The following KCNIP4 variants were observed in gnomAD, a reference collection of about 807,000 sequenced individuals.
KCNIP4 encodes Kv channel-interacting protein 4.
In KCNIP4, 12 loss-of-function variants were observed where a neutral mutation model predicts 34.0. That is an observed-to-expected ratio of 0.35 (90% CI 0.23 to 0.57). The LOEUF is 0.57. Ranked by LOEUF, KCNIP4 falls within the 20% of genes least tolerant of loss-of-function variation. The probability of loss-of-function intolerance (pLI) is 0.83; values close to 1 mark genes in which losing one functional copy is unlikely to be tolerated. For missense variants in KCNIP4, 238 were observed against 311.7 expected (o/e 0.76, Z 1.78); for synonymous variants, 124 against 102.2 (o/e 1.21, Z -1.29).
chr4:21,515,963 G>A lies in KCNIP4; in HGVS notation c.61+432608C>T, dbSNP rs76830098. 4.6e-3 allele frequency among the ~76,000 whole-genome samples: 703 copies of A among 152,164 alleles called. 5 individuals are homozygous for A. Among genetic ancestry groups the A allele is most frequent in the African/African-American group, 0.016 (664 of 41,422 alleles). ...ATTATAGTAGCACAAAATTGGCTAA[G>A]AGAATGAGGTCTGTCTCTTGTGTTC... On this transcript the variant is annotated intron_variant, in intron 1 of 8. Coordinates refer to ENST00000382152, the MANE Select transcript of KCNIP4 (RefSeq NM_025221.6).
At chr4:21,084,565 C>T (rs771443582) in intron 1 of KCNIP4, among the ~76,000 whole-genome samples, 28 of 147,122 alleles carry the variant, frequency 1.9e-4, no homozygotes, top group Admixed American at 4.9e-4. Context: ...TAGGATGCAC[C>T]GGTTCTGCCA....
chr4:21,899,786 A>C (rs1284750112), intron 1 of KCNIP4, among the ~76,000 whole-genome samples: 1 of 152,156 alleles, frequency 6.6e-6, no homozygotes, highest in Non-Finnish European at 1.5e-5. Flanking sequence ...CAATATATTA[A>C]AGAGGACACA....
At chr4:21,803,266 T>C (rs530125295) in intron 1 of KCNIP4, among the ~76,000 whole-genome samples, 1 of 152,300 alleles carries the variant, frequency 6.6e-6, no homozygotes, top group East Asian at 1.9e-4. Context: ...TACAGTCTTA[T>C]TTATTTTAGC....
chr4:21,519,713 TATATATACACACGTGTGTATATGTATG>T (rs1735295292), intron 1 of KCNIP4, among the ~76,000 whole-genome samples: 1 of 124,866 alleles, frequency 8.0e-6, no homozygotes, highest in African/African-American at 3.1e-5. Flanking sequence ...TATGTATGTG[TATATATACACACGTGTGTATATGTATG>T]ATACACACGT....
At chr4:21,898,410 G>A (rs1372940413) in intron 1 of KCNIP4, among the ~76,000 whole-genome samples, 4 of 152,132 alleles carry the variant, frequency 2.6e-5, no homozygotes, top group Non-Finnish European at 5.9e-5. Context: ...TGAGGGGAGA[G>A]TAAAGAGGGC....
chr4:20,893,028 A>T (rs1031439672), intron 1 of KCNIP4, among the ~76,000 whole-genome samples: 1 of 152,090 alleles, frequency 6.6e-6, no homozygotes, highest in African/African-American at 2.4e-5. Context: ...CTGCCAGTTT[A>T]TGGGAGTTGT....
intron 1 of KCNIP4, among the ~76,000 whole-genome samples, chr4:21,110,457 G>T (rs1749059377): frequency 6.6e-6 from 1 of 152,264 alleles, no homozygotes; most frequent in South Asian, 2.1e-4. Context: ...ATAATCTATG[G>T]GAGTCATCGT....
intron 1 of KCNIP4, among the ~76,000 whole-genome samples, chr4:21,285,828 G>A (rs900781915): frequency 3.9e-5 from 6 of 152,250 alleles, no homozygotes; most frequent in Admixed American, 2.6e-4. Flanking sequence ...GTGATACAGC[G>A]AGATCCTGTC....
rs545435681 is a variant in KCNIP4 at position 21,788,938 on chromosome 4, C to T, written c.61+159633G>A. 1.6e-4 allele frequency among the ~76,000 whole-genome samples: 24 copies of T among 151,800 alleles called. 1 individual carries two copies. Among genetic ancestry groups the T allele is most frequent in the Non-Finnish European group, 1.5e-5 (1 of 67,918 alleles). On this transcript the variant is annotated intron_variant, in intron 1 of 8. Coordinates refer to ENST00000382152, the MANE Select transcript of KCNIP4 (RefSeq NM_025221.6). ...AAATACAACAATTAGCCAGGCGTGG[C>T]GGCGCGCGTCTGTAGTCTCAACTAC...
chr4:20,953,960 C>T (rs1270833962), intron 1 of KCNIP4, among the ~76,000 whole-genome samples: 1 of 152,088 alleles, frequency 6.6e-6, no homozygotes, highest in Non-Finnish European at 1.5e-5. Flanking sequence ...GAAACACTTC[C>T]CTGTGTTTTT....
rs1303524183 is a variant in KCNIP4 at position 21,714,780 on chromosome 4, CCTTTGATTA to C, written c.61+233782_61+233790del. Among the ~76,000 whole-genome samples, 35 of 49,386 alleles carry C rather than the reference CCTTTGATTA, an allele frequency of 7.1e-4. 1 individual carries two copies. Among genetic ancestry groups the C allele is most frequent in the African/African-American group, 4.5e-3 (32 of 7,048 alleles). 32.4% of individuals were successfully genotyped at this position (49,386 alleles called of 152,430 possible). A position where few individuals can be genotyped will look rare whatever the true frequency, so the allele number is the denominator to read the frequency against. On this transcript the variant is annotated intron_variant, in intron 1 of 8. Coordinates refer to ENST00000382152, the MANE Select transcript of KCNIP4 (RefSeq NM_025221.6). ...TTATAAAGAATGTGTTAGTAATTTCCCTTTGATTATTTTATTTTATTTTATTTTATTTTA... is the reference window on the plus strand; with the variant it reads ...TTATAAAGAATGTGTTAGTAATTTCCTTTTATTTTATTTTATTTTATTTTA...
intron 1 of KCNIP4, among the ~76,000 whole-genome samples, chr4:21,791,583 CTCT>C (rs1364880844): frequency 7.2e-5 from 11 of 152,110 alleles, no homozygotes; most frequent in African/African-American, 2.4e-4. Context: ...GCGGGACTCA[CTCT>C]GGTGAGTAAG....
At chr4:21,826,579 G>T (rs567471757) in intron 1 of KCNIP4, among the ~76,000 whole-genome samples, 1 of 151,752 alleles carries the variant, frequency 6.6e-6, no homozygotes, top group Non-Finnish European at 1.5e-5. Flanking sequence ...ATTTTTAAAC[G>T]GTCACTGAAA....
intron 1 of KCNIP4, among the ~76,000 whole-genome samples, chr4:21,352,933 T>C (rs998195437): frequency 1.3e-5 from 2 of 152,096 alleles, no homozygotes; most frequent in African/African-American, 4.8e-5. Context: ...AGAGGAAGGA[T>C]CAGACAGCAA....
intron 3 of KCNIP4, among the ~76,000 whole-genome samples, chr4:20,835,785 G>A (rs28706880): frequency 0.02 from 3,023 of 152,006 alleles, 81 homozygotes; most frequent in African/African-American, 0.061. Flanking sequence ...TTTCCCCCCA[G>A]TTTTCTGCAT....
chr4:20,915,032 A>C (rs1437168720), intron 1 of KCNIP4, among the ~76,000 whole-genome samples: 1 of 152,230 alleles, frequency 6.6e-6, no homozygotes, highest in East Asian at 1.9e-4. Flanking sequence ...CTAAGAAGAA[A>C]AACAAGTTCT....
chr4:21,857,162 A>G (rs1724812030), intron 1 of KCNIP4, among the ~76,000 whole-genome samples: 1 of 152,222 alleles, frequency 6.6e-6, no homozygotes. Context: ...GGGCCTACCC[A>G]TGGCCTTACA....
At chr4:21,356,970 T>C (rs1052341936) in intron 1 of KCNIP4, among the ~76,000 whole-genome samples, 5 of 152,058 alleles carry the variant, frequency 3.3e-5, no homozygotes, top group African/African-American at 7.2e-5. Context: ...AAAACAGATA[T>C]ATAGACCAAT....
chr4:21,240,903 T>A (rs1394328469), intron 1 of KCNIP4, among the ~76,000 whole-genome samples: 9 of 152,190 alleles, frequency 5.9e-5, no homozygotes, highest in Non-Finnish European at 1.3e-4. Flanking sequence ...CTGTAAAAAA[T>A]TAATGAGATG....
Sources: gnomAD v4.1 joint callset for allele counts (sites outside exome capture counted in the v4.1 genomes callset) on GRCh38, gnomAD v4.1.1 for gene constraint, MANE v1.5 for transcripts, NCBI Gene and HGNC (gene_info 2026-07-23, HGNC 2026-07-21) for gene names.